The following ARL15 variants were observed in gnomAD, a reference collection of about 807,000 sequenced individuals.
ARL15 encodes ARF like GTPase 15.
In ARL15, 19 loss-of-function variants were observed where a neutral mutation model predicts 25.2. That is an observed-to-expected ratio of 0.75 (90% CI 0.53 to 1.10). The LOEUF is 1.10. ARL15 is among the 50% of genes least tolerant of loss of function. The pLI, the probability that ARL15 is intolerant of heterozygous loss-of-function variation, is 0.00. For missense variants in ARL15, 220 were observed against 246.0 expected (o/e 0.89, Z 0.71); for synonymous variants, 94 against 86.8 (o/e 1.08, Z -0.46).
rs1579706989 is a variant in ARL15 at position 54,020,778 on chromosome 5, C to A, written c.462+92424G>T. Among the ~76,000 whole-genome samples, 3 of 137,168 alleles carry A rather than the reference C, an allele frequency of 2.2e-5. No individual in the cohort carries two copies. In the East Asian group the frequency reaches 6.2e-4, roughly 29 times the overall value. The allele number at this position is 137,168 out of a possible 152,430, so 90.0% of individuals were successfully genotyped here. ...CCTGGCCAACATGGTGAAACCTGGT[C>A]TCTAATAAAAATTAAAAGAAAAAAA... is the stretch of plus-strand genomic sequence containing the variant. On this transcript the variant is annotated intron_variant, in intron 4 of 4. Coordinates refer to ENST00000504924, the MANE Select transcript of ARL15 (RefSeq NM_019087.3).
At chr5:53,942,414 AGGACTCATCAGTTTATAGG>A (rs1746566598) in intron 4 of ARL15, among the ~76,000 whole-genome samples, 2 of 152,184 alleles carry the variant, frequency 1.3e-5, no homozygotes, top group African/African-American at 4.8e-5. Context: ...ATTTAAATGT[AGGACTCATCAGTTTATAGG>A]CATCATTGGT....
chr5:54,268,941 A>C (rs1366902517), intron 1 of ARL15, among the ~76,000 whole-genome samples: 1 of 152,188 alleles, frequency 6.6e-6, no homozygotes, highest in Non-Finnish European at 1.5e-5. Context: ...TGAAATTGGA[A>C]ATCATCATTC....
intron 4 of ARL15, among the ~76,000 whole-genome samples, chr5:54,042,959 T>C (rs1702108259): frequency 6.6e-6 from 1 of 152,164 alleles, no homozygotes; most frequent in Non-Finnish European, 1.5e-5. Context: ...TTCATGTTTT[T>C]AAAACGGCTT....
intron 1 of ARL15, among the ~76,000 whole-genome samples, chr5:54,173,294 T>C (rs186467902): frequency 4.6e-5 from 7 of 152,134 alleles, no homozygotes; most frequent in Non-Finnish European, 4.4e-5. Context: ...CCCATATCCA[T>C]AGGGGCCAAC....
chr5:54,030,613 C>T (rs899559309), intron 4 of ARL15, among the ~76,000 whole-genome samples: 3 of 152,092 alleles, frequency 2.0e-5, no homozygotes, highest in African/African-American at 7.2e-5. Flanking sequence ...TTCAAAGGTC[C>T]CGAGGCAGCA....
intron 4 of ARL15, among the ~76,000 whole-genome samples, chr5:54,105,490 T>C (rs1414445516): frequency 2.0e-5 from 3 of 152,212 alleles, no homozygotes; most frequent in Non-Finnish European, 4.4e-5. Flanking sequence ...TATTTAAATA[T>C]GCATACAAAG....
intron 1 of ARL15, among the ~76,000 whole-genome samples, chr5:54,182,530 C>T (rs1168881513): frequency 6.7e-6 from 1 of 150,174 alleles, no homozygotes; most frequent in Non-Finnish European, 1.5e-5. Flanking sequence ...GTACCAGTAC[C>T]ATGCTGTTTT....
chr5:53,940,048 G>A (rs141724267), intron 4 of ARL15, among the ~76,000 whole-genome samples: 11 of 150,690 alleles, frequency 7.3e-5, no homozygotes, highest in African/African-American at 2.4e-4. Context: ...GCGCGATCTC[G>A]GCTCACTGCA....
chr5:54,206,252 G>C (rs1278373384), intron 1 of ARL15, among the ~76,000 whole-genome samples: 2 of 152,226 alleles, frequency 1.3e-5, no homozygotes, highest in Non-Finnish European at 1.5e-5. Flanking sequence ...GTGCCAGTAG[G>C]ATCAACCTTC....
chr5:54,097,447 A>T (rs1752322979), intron 4 of ARL15, among the ~76,000 whole-genome samples: 1 of 152,196 alleles, frequency 6.6e-6, no homozygotes, highest in Non-Finnish European at 1.5e-5. Context: ...TAAAATCAAG[A>T]AGCTGGCACT....
intron 1 of ARL15, among the ~76,000 whole-genome samples, chr5:54,242,672 A>C (rs1185254974): frequency 1.3e-5 from 2 of 152,174 alleles, no homozygotes; most frequent in African/African-American, 4.8e-5. Flanking sequence ...GCCTCTTCTG[A>C]AGATGGAGAC....
chr5:53,920,137 A>G (rs989110958), intron 4 of ARL15, among the ~76,000 whole-genome samples: 2 of 152,204 alleles, frequency 1.3e-5, no homozygotes, highest in African/African-American at 4.8e-5. Flanking sequence ...TCTCATGCTA[A>G]AGCCCTGAAC....
chr5:53,995,825 CA>C (rs1449809777), intron 4 of ARL15, among the ~76,000 whole-genome samples: 1 of 143,338 alleles, frequency 7.0e-6, no homozygotes, highest in Non-Finnish European at 1.5e-5. Context: ...ATACGTTCCC[CA>C]AAGTCCCCTA....
intron 4 of ARL15, among the ~76,000 whole-genome samples, chr5:54,026,819 A>C (rs1021919445): frequency 6.6e-6 from 1 of 152,232 alleles, no homozygotes; most frequent in East Asian, 1.9e-4. Context: ...ATTACATTTT[A>C]GGGGGCAGGA....
rs777759954 is a variant in ARL15, at chr5:54,018,931, T to C, written c.462+94271A>G. The stretch of plus-strand genomic sequence containing the variant: ...AATGTTGTTGTTTTTTTCTATAATC[T>C]GCACAATTTAAGATAATGCATGTAG... On this transcript the variant is annotated intron_variant, in intron 4 of 4. Transcript: ENST00000504924. Among the ~76,000 whole-genome samples, 28 of 152,202 alleles carry C rather than the reference T, an allele frequency of 1.8e-4. 1 individual carries two copies. The highest frequency in any genetic ancestry group is 6.5e-5 in the Admixed American group (1 of 15,278).
At chr5:53,932,032 T>C (rs113781435) in intron 4 of ARL15, among the ~76,000 whole-genome samples, 59 of 152,358 alleles carry the variant, frequency 3.9e-4, no homozygotes, top group African/African-American at 1.3e-3. Context: ...TTTTACATAA[T>C]GCACGGTTTC....
rs116620902 is a variant in ARL15, at chr5:54,014,466, T to A, written c.462+98736A>T. ...CCAAGTAATCATTTATTGCCCTTCA[T>A]CAGAATTCCTCTTGTCCCCCATCCC... On this transcript the variant is annotated intron_variant, in intron 4 of 4. Coordinates refer to ENST00000504924, the MANE Select transcript of ARL15 (RefSeq NM_019087.3). 5.4e-3 allele frequency among the ~76,000 whole-genome samples: 823 copies of A among 152,072 alleles called. 4 individuals are homozygous for A. The highest frequency in any genetic ancestry group is 0.011 in the Admixed American group (169 of 15,278).
intron 4 of ARL15, among the ~76,000 whole-genome samples, chr5:54,073,777 C>G (rs953584183): frequency 9.2e-5 from 14 of 152,198 alleles, no homozygotes; most frequent in African/African-American, 3.4e-4. Context: ...GAAGGTGGCT[C>G]TCAAACTAGC....
In ARL15 at chr5:54,013,358, G is replaced by T. The variant is rs563406170; in HGVS notation, c.462+99844C>A. Among the ~76,000 whole-genome samples, 3 of 152,302 alleles carry T rather than the reference G, an allele frequency of 2.0e-5. No homozygotes were observed. The South Asian group carries it at 6.2e-4, about 32-fold the overall frequency. On this transcript the variant is annotated intron_variant, in intron 4 of 4. Coordinates refer to ENST00000504924, the MANE Select transcript of ARL15 (RefSeq NM_019087.3). ...CATCTTGCTTCTAACCTCACAGGCTGGCTGTCCTCACTCATTCCCAGGCAC... is the reference window on the plus strand; with the variant it reads ...CATCTTGCTTCTAACCTCACAGGCTTGCTGTCCTCACTCATTCCCAGGCAC...
Sources: allele counts gnomAD v4.1 joint callset (sites outside exome capture counted in the v4.1 genomes callset), GRCh38; gene constraint gnomAD v4.1.1; transcripts MANE v1.5; gene names NCBI Gene and HGNC (gene_info 2026-07-23, HGNC 2026-07-21).